The following LRRK2 variants were observed in gnomAD, a reference collection of about 807,000 sequenced individuals.
The protein encoded by LRRK2 is leucine rich repeat kinase 2, also known as leucine-rich repeat serine/threonine-protein kinase 2.
A neutral mutation model predicts 302.6 loss-of-function variants in LRRK2; 203 were observed. The observed-to-expected ratio is 0.67, with a 90% confidence interval of 0.60 to 0.75. The LOEUF is 0.75. Ranked by LOEUF, LRRK2 falls within the 30% of genes least tolerant of loss-of-function variation. The probability of loss-of-function intolerance (pLI) is 0.00; values close to 1 mark genes in which losing one functional copy is unlikely to be tolerated. For synonymous variants in LRRK2, 1,066 were observed against 1,031.9 expected (o/e 1.03, Z -0.63); for missense variants, 2,830 against 2,951.0 (o/e 0.96, Z 0.95).
In LRRK2 at chr12:40,349,808, C is replaced by T. The variant is rs12306725; in HGVS notation, c.6381+1299C>T. ...CATGAGCAACTGCACCTGGCCAAGTCTTCCTATTCTGGAATGGCATGAATT... is the reference window on the plus strand; with the variant it reads ...CATGAGCAACTGCACCTGGCCAAGTTTTCCTATTCTGGAATGGCATGAATT... On this transcript the variant is annotated intron_variant, in intron 43 of 50. Transcript: ENST00000298910. 6.2e-3 allele frequency among the ~76,000 whole-genome samples: 943 copies of T among 152,324 alleles called. 6 individuals are homozygous for T. The highest frequency in any genetic ancestry group is 0.021 in the African/African-American group (885 of 41,574).
chr12:40,249,404 A>C (rs988842030), intron 7 of LRRK2, among the ~76,000 whole-genome samples: 3 of 152,072 alleles, frequency 2.0e-5, no homozygotes, highest in African/African-American at 7.2e-5. Flanking sequence ...TATTCCTTTA[A>C]GTGAAAGAAG....
At chr12:40,255,612 A>C (rs1942467535) in intron 11 of LRRK2, among the ~76,000 whole-genome samples, 1 of 152,130 alleles carries the variant, frequency 6.6e-6, no homozygotes, top group Non-Finnish European at 1.5e-5. Context: ...AAACAGTGTA[A>C]ATTCAAGGAC....
At chr12:40,356,006 T>C (rs1259009412) in intron 45 of LRRK2, 109 bp from the exon 46 acceptor site, 3 of 691,192 alleles carry the variant, frequency 4.3e-6, no homozygotes, top group Non-Finnish European at 7.5e-6. Flanking sequence ...GTTAGGAATT[T>C]ATAGTTGAGA....
At chr12:40,328,781 G>A (rs1246355313) in intron 39 of LRRK2, among the ~76,000 whole-genome samples, 2 of 152,086 alleles carry the variant, frequency 1.3e-5, no homozygotes, top group Non-Finnish European at 2.9e-5. Context: ...AAGCAGCCAG[G>A]CATTACCTAG....
chr12:40,352,100 G>C (rs11176154), intron 44 of LRRK2, among the ~76,000 whole-genome samples: 39,490 of 152,118 alleles, frequency 0.26, 5,924 homozygotes, highest in Middle Eastern at 0.4. Flanking sequence ...TAGGAGCACA[G>C]AATTTTCCCA....
At chr12:40,291,932 A>T (rs1057353340) in intron 20 of LRRK2, among the ~76,000 whole-genome samples, 92 of 152,228 alleles carry the variant, frequency 6.0e-4, no homozygotes, top group African/African-American at 2.2e-3. Flanking sequence ...ATATAAAAAT[A>T]ATTTTTTAAA....
In LRRK2 at chr12:40,283,975, A is replaced by G. The variant is rs1943810973; in HGVS notation, c.2342A>G (p.Lys781Arg). Residue 781 changes from lysine to arginine, a missense_variant, in exon 19 of 51, where the codon AAA (lysine) becomes AGA (arginine). By Grantham distance (26) the Lys-to-Arg change is conservative. Transcript: ENST00000298910. Reference protein sequence around the residue: ...VRKALTISIGKGDSQIISLLL... With the variant: ...VRKALTISIGRGDSQIISLLL... ...AAAGCGTTGACGATAAGCATTGGGAAAGGTGACAGCCAGATCATCAGCTTG... is the reference window on the plus strand; with the variant it reads ...AAAGCGTTGACGATAAGCATTGGGAGAGGTGACAGCCAGATCATCAGCTTG... The G allele has an allele frequency of 1.2e-6, 2 of 1,614,026 alleles. No individual in the cohort carries two copies. The highest frequency in any genetic ancestry group is 2.7e-5 in the African/African-American group (2 of 75,064).
At position 40,278,232 on chromosome 12, in the gene LRRK2, G is replaced by A. The variant is rs144393152; in HGVS notation, c.2212G>A (p.Ala738Thr). The A allele has an allele frequency of 1.2e-6, 2 of 1,614,016 alleles. No individual in the cohort carries two copies. The highest frequency in any genetic ancestry group is 2.7e-5 in the African/African-American group (2 of 74,936). The change falls in exon 18 of 51, where the codon GCA (alanine) becomes ACA (threonine). Residue 738 changes from alanine (A) to threonine (T), a missense_variant. Transcript: ENST00000298910. ...LLLLGADANQ[A>T]KEGSSLICQV... ...TCTATTGGGAGCAGATGCCAATCAA[G>A]CAAAGGAGGGATCTTCTTTAATTTG...
At chr12:40,307,636 T>C (rs1473792621) in intron 28 of LRRK2, among the ~76,000 whole-genome samples, 3 of 151,980 alleles carry the variant, frequency 2.0e-5, no homozygotes, top group Admixed American at 1.3e-4. Context: ...TATGAATATA[T>C]ACACACACAT....
chr12:40,341,912 G>T (rs947301355), intron 41 of LRRK2, among the ~76,000 whole-genome samples: 2 of 152,138 alleles, frequency 1.3e-5, no homozygotes, highest in Non-Finnish European at 2.9e-5. Flanking sequence ...GTCAATGAGA[G>T]GTTTGGAAAA....
At chr12:40,344,465 A>AT (rs1324573816) in intron 41 of LRRK2, among the ~76,000 whole-genome samples, 1 of 152,186 alleles carries the variant, frequency 6.6e-6, no homozygotes, top group Non-Finnish European at 1.5e-5. Context: ...GTAGCTCATT[A>AT]TTTTTAAGTA....
intron 43 of LRRK2, among the ~76,000 whole-genome samples, 155 bp from the exon 44 acceptor site, chr12:40,351,384 G>A (rs2136992282): frequency 6.6e-6 from 1 of 152,176 alleles, no homozygotes; most frequent in Admixed American, 6.5e-5. Context: ...TTTATTTGTA[G>A]TTTAGATTAC....
chr12:40,255,450 T>C (rs905970483), intron 11 of LRRK2, among the ~76,000 whole-genome samples: 3 of 152,158 alleles, frequency 2.0e-5, no homozygotes, highest in Non-Finnish European at 4.4e-5. Context: ...GTGTGTAAAA[T>C]GTTCTATAAA....
intron 14 of LRRK2, among the ~76,000 whole-genome samples, chr12:40,273,529 A>G (rs1194202658): frequency 6.6e-6 from 1 of 152,154 alleles, no homozygotes; most frequent in Non-Finnish European, 1.5e-5. Context: ...AAATCTGTTC[A>G]CTGAGAGTAC....
intron 10 of LRRK2, 114 bp from the exon 11 acceptor site, chr12:40,252,796 A>G (rs1218438748): frequency 6.9e-6 from 5 of 724,780 alleles, no homozygotes; most frequent in Non-Finnish European, 1.2e-5. Flanking sequence ...AGGTGGCATG[A>G]AATATTGTTT....
At chr12:40,291,933 AT>A (rs1310527792) in intron 20 of LRRK2, among the ~76,000 whole-genome samples, 93 of 152,182 alleles carry the variant, frequency 6.1e-4, no homozygotes, top group African/African-American at 2.2e-3. Flanking sequence ...TATAAAAATA[AT>A]TTTTTAAATA....
intron 20 of LRRK2, among the ~76,000 whole-genome samples, chr12:40,291,019 T>C (rs1008738626): frequency 6.6e-6 from 1 of 152,030 alleles, no homozygotes; most frequent in South Asian, 2.1e-4. Flanking sequence ...TTTAAAAAAA[T>C]TTAATTTCCC....
In LRRK2 at chr12:40,364,970, T is replaced by C; in HGVS notation, c.7310T>C (p.Leu2437Pro). ...IGTGGGHILL[L>P]DLSTRRLIRV... is the part of the protein sequence containing the mutation. Reference sequence around the variant, plus strand: ...ACTGGAGGAGGCCATATTTTACTCCTGGATCTTTCAACTCGTCGACTTATA... The same window carrying C: ...ACTGGAGGAGGCCATATTTTACTCCCGGATCTTTCAACTCGTCGACTTATA... Residue 2437 changes from leucine to proline, a missense_variant, in exon 49 of 51, where the codon CTG becomes CCG. By Grantham distance (98) the Leu-to-Pro change is moderately conservative. Around this residue, in one of 3 missense-constraint regions of LRRK2, gnomAD observed 456 missense variants for 456.3 expected, o/e 1.00. Coordinates refer to ENST00000298910, the MANE Select transcript of LRRK2 (RefSeq NM_198578.4). The C allele has an allele frequency of 6.2e-7, 1 of 1,612,756 alleles. No individual in the cohort carries two copies. Among genetic ancestry groups the C allele is most frequent in the Non-Finnish European group, 8.5e-7 (1 of 1,179,156 alleles).
intron 2 of LRRK2, among the ~76,000 whole-genome samples, chr12:40,229,153 A>G (rs1297900256): frequency 6.6e-6 from 1 of 152,184 alleles, no homozygotes; most frequent in Admixed American, 6.5e-5. Flanking sequence ...ATACTCACTT[A>G]AAAGTAGTAT....
Sources: allele counts gnomAD v4.1 joint callset (sites outside exome capture counted in the v4.1 genomes callset), GRCh38; gene constraint gnomAD v4.1.1; regional missense constraint gnomAD v4.1.1; transcripts MANE v1.5; gene names NCBI Gene and HGNC (gene_info 2026-07-23, HGNC 2026-07-21).